The following NRK variants were observed in gnomAD, a reference collection of about 807,000 sequenced individuals.
The protein encoded by NRK is Nik related kinase.
A neutral mutation model predicts 125.2 loss-of-function variants in NRK; 67 were observed. The ratio of observed to expected loss-of-function variants is 0.54; its 90% CI spans 0.44 to 0.66. The LOEUF (loss-of-function observed/expected upper bound fraction) is 0.66. Among genes scored for constraint, NRK ranks in the 30% least tolerant of loss-of-function variants. The pLI, the probability that NRK is intolerant of heterozygous loss-of-function variation, is 0.00. For synonymous variants in NRK, 458 were observed against 429.0 expected, an observed-to-expected ratio of 1.07 and a Z score of -0.84; for missense variants, 1,224 against 1,192.9, an observed-to-expected ratio of 1.03 and a Z score of -0.38.
chrX:105,835,916 A>T (rs2039259183), intron 2 of NRK, among the ~76,000 whole-genome samples: 1 of 111,827 alleles, frequency 8.9e-6, no homozygotes, highest in Non-Finnish European at 1.9e-5. Flanking sequence ...AAAAATTTGC[A>T]TGCTTGCAAC....
At chrX:105,944,695 C>A (rs2147792943) in intron 24 of NRK, among the ~76,000 whole-genome samples, 1 of 111,591 alleles carries the variant, frequency 9.0e-6, no homozygotes, top group South Asian at 3.8e-4. Context: ...AGGGGGAACA[C>A]CCTTGGAGGA....
At chrX:105,831,830 A>T (rs967484374) in intron 2 of NRK, among the ~76,000 whole-genome samples, 1 of 111,870 alleles carries the variant, frequency 8.9e-6, no homozygotes, top group Non-Finnish European at 1.9e-5. Context: ...GATTCAACCA[A>T]CATTGTATCA....
rs2040252238 is a variant in NRK at position 105,908,795 on chromosome X, T to G, written c.1154T>G (p.Leu385Arg). 2.5e-6 allele frequency: 3 copies of G among 1,211,281 alleles called. No individual in the cohort carries two copies. In the East Asian group the frequency reaches 8.9e-5, roughly 36 times the overall value. The change falls in exon 13 of 29, where the codon CTG (leucine) becomes CGG (arginine). Residue 385 changes from leucine (L) to arginine (R), a missense_variant. By Grantham distance (102) the Leu-to-Arg change is moderately radical. Transcript: ENST00000243300. ...AGCAGATGCAGACCACTTAGAGTCC[T>G]GCATGGGGAACCCTCTCAGCCAAGG... ...TSSRCRPLRV[L>R]HGEPSQPRWL... is the part of the protein sequence containing the mutation.
At chrX:105,907,694 C>T (rs1219969207) in intron 11 of NRK, 1 of 111,888 alleles carries the variant, frequency 8.9e-6, no homozygotes, top group Non-Finnish European at 1.9e-5. Context: ...ATATAGTTGC[C>T]CTGAACATTT....
chrX:105,859,314 A>G (rs1341378048), intron 2 of NRK, among the ~76,000 whole-genome samples: 1 of 111,621 alleles, frequency 9.0e-6, no homozygotes, highest in Non-Finnish European at 1.9e-5. Context: ...CCTATATAGA[A>G]TAGTAAAATT....
At position 105,924,718 on chromosome X, in the gene NRK, G is replaced by C. The variant is rs759557006; in HGVS notation, c.2999G>C (p.Ser1000Thr). 1 of 1,198,163 alleles carries C rather than the reference G, an allele frequency of 8.3e-7. No homozygotes were observed. Among genetic ancestry groups the C allele is most frequent in the Admixed American group, 2.3e-5 (1 of 43,985 alleles). ...CPRASYGRDG[S>T]CKQDGYDGSR... ...AGGGCAAGCTATGGCAGAGATGGAA[G>C]CTGCAAGCAAGATGGTTATGATGGA... Residue 1000 changes from serine to threonine, a missense_variant, in exon 19 of 29, where the codon AGC becomes ACC. Transcript: ENST00000243300.
intron 1 of NRK, among the ~76,000 whole-genome samples, chrX:105,826,202 CAT>C (rs1280857395): frequency 4.9e-5 from 4 of 81,456 alleles, no homozygotes; most frequent in East Asian, 3.6e-4. Flanking sequence ...AATATATTAT[CAT>C]ATATATAATA....
chrX:105,851,703 A>T (rs1438268690), intron 2 of NRK, among the ~76,000 whole-genome samples: 1 of 111,265 alleles, frequency 9.0e-6, no homozygotes, highest in Non-Finnish European at 1.9e-5. Flanking sequence ...TAACAAAGCA[A>T]AGCGAGATGT....
chrX:105,833,027 G>T (rs372022271), intron 2 of NRK, among the ~76,000 whole-genome samples: 4 of 110,184 alleles, frequency 3.6e-5, no homozygotes, highest in African/African-American at 1.3e-4. Flanking sequence ...AGACCTTATC[G>T]CTTAAAAAAT....
At chrX:105,862,105 TTATC>T (rs2147681236) in intron 2 of NRK, among the ~76,000 whole-genome samples, 1 of 108,617 alleles carries the variant, frequency 9.2e-6, no homozygotes, top group African/African-American at 3.3e-5. Context: ...ATCTATCTAT[TTATC>T]TATATCTGAG....
In NRK at chrX:105,884,120, T is replaced by C. The variant is rs2039914794; in HGVS notation, c.252+2341T>C. ...CATGCAATTCTCATACCACAAGTTGTCATGACTTTATTACACAAATAAATA... is the reference window on the plus strand; with the variant it reads ...CATGCAATTCTCATACCACAAGTTGCCATGACTTTATTACACAAATAAATA... On this transcript the variant is annotated intron_variant, in intron 4 of 28. Coordinates refer to ENST00000243300, the MANE Select transcript of NRK (RefSeq NM_198465.4). 1.8e-5 allele frequency among the ~76,000 whole-genome samples: 2 copies of C among 112,294 alleles called. 1 individual carries two copies. Among genetic ancestry groups the C allele is most frequent in the Admixed American group, 1.9e-4 (2 of 10,592 alleles).
At chrX:105,892,139 A>G (rs1269239936) in intron 5 of NRK, among the ~76,000 whole-genome samples, 2 of 111,622 alleles carry the variant, frequency 1.8e-5, no homozygotes, top group Non-Finnish European at 3.8e-5. Flanking sequence ...CATGCTCCTG[A>G]CCCAGTGGTG....
intron 4 of NRK, among the ~76,000 whole-genome samples, chrX:105,882,889 A>G (rs1347802796): frequency 8.9e-6 from 1 of 112,181 alleles, no homozygotes; most frequent in Non-Finnish European, 1.9e-5. Flanking sequence ...TGGTTTCATC[A>G]AACATTTGTG....
intron 2 of NRK, among the ~76,000 whole-genome samples, chrX:105,844,899 T>C (rs1384035271): frequency 3.6e-5 from 4 of 112,051 alleles, no homozygotes; most frequent in African/African-American, 1.3e-4. Context: ...CTGGTGTATA[T>C]AGTAATGTGC....
intron 16 of NRK, 89 bp from the exon 17 acceptor site, chrX:105,921,875 A>G (rs1460768859): frequency 7.6e-6 from 3 of 392,981 alleles, no homozygotes; most frequent in Non-Finnish European, 1.3e-5. Context: ...AAAAAGAAAA[A>G]AAACCAAGGG....
intron 2 of NRK, among the ~76,000 whole-genome samples, chrX:105,860,339 C>G (rs2039586207): frequency 9.0e-6 from 1 of 111,031 alleles, no homozygotes; most frequent in South Asian, 3.8e-4. Context: ...TTTTTTAAGA[C>G]TAGAGGAAAT....
chrX:105,951,532 A>C (rs2040898457), intron 27 of NRK, among the ~76,000 whole-genome samples: 1 of 112,355 alleles, frequency 8.9e-6, no homozygotes, highest in African/African-American at 3.2e-5. Flanking sequence ...AAGGAGATCA[A>C]TTACTGTATT....
chrX:105,861,080 T>G (rs987468714), intron 2 of NRK, among the ~76,000 whole-genome samples: 1 of 111,527 alleles, frequency 9.0e-6, no homozygotes, highest in Non-Finnish European at 1.9e-5. Flanking sequence ...ACTACAGCAT[T>G]TTCCATTCTT....
intron 2 of NRK, among the ~76,000 whole-genome samples, chrX:105,877,810 G>A (rs190367720): frequency 1.9e-5 from 2 of 106,593 alleles, no homozygotes; most frequent in East Asian, 6.0e-4. Flanking sequence ...CAATTTTCAA[G>A]TGTGAATAAA....
Sources: gnomAD v4.1 joint callset for allele counts (sites outside exome capture counted in the v4.1 genomes callset) on GRCh38, gnomAD v4.1.1 for gene constraint, MANE v1.5 for transcripts, NCBI Gene and HGNC (gene_info 2026-07-23, HGNC 2026-07-21) for gene names.